Variants in PLEC observed in about 807,000 individuals in gnomAD.
The protein encoded by PLEC is plectin.
A neutral mutation model predicts 392.8 loss-of-function variants in PLEC; 216 were observed. That is an observed-to-expected ratio of 0.55 (90% CI 0.49 to 0.62). PLEC has a LOEUF of 0.62. Ranked by LOEUF, PLEC falls within the 20% of genes least tolerant of loss-of-function variation. PLEC has a pLI of 0.00. For missense variants in PLEC, 6,863 were observed against 6,563.4 expected (o/e 1.05, Z -1.58); for synonymous variants, 3,621 against 2,980.6 (o/e 1.21, Z -7.00).
At chr8:143,955,026 G>A (rs1356209202), upstream of PLEC, among the ~76,000 whole-genome samples, 7 of 152,268 alleles carry the variant, frequency 4.6e-5, no homozygotes, top group East Asian at 1.4e-3. Flanking sequence ...CAAAGGGCCA[G>A]AAGCCAGCCC....
rs782275537 is a variant in PLEC at position 143,925,643 on chromosome 8, G to A, written c.4286C>T (p.Ser1429Leu). The A allele has an allele frequency of 4.0e-5, 63 of 1,584,170 alleles. No homozygotes were observed. The highest frequency in any genetic ancestry group is 1.0e-4 in the Admixed American group (6 of 58,396). ...GGCCTTGGCCTGGATCTCCGCCTCC[G>A]AGCTCTGCCGCAGCTGCTGCAGCTC... is the stretch of plus-strand genomic sequence containing the variant. Reference protein sequence around the residue: ...QEELQQLRQSSEAEIQAKARQ... With the variant: ...QEELQQLRQSLEAEIQAKARQ... Residue 1429 changes from serine to leucine, a missense_variant, in exon 31 of 32, where the codon TCG becomes TTG. Transcript: ENST00000345136.
intron 1 of PLEC, chr8:143,946,265 T>C (rs760717741): frequency 6.0e-5 from 62 of 1,040,636 alleles, no homozygotes; most frequent in Non-Finnish European, 7.8e-5. Context: ...CACAGAACGG[T>C]GGACAACGGG....
chr8:143,926,994 C>T lies in PLEC; in HGVS notation c.3928G>A (p.Glu1310Lys). 1 of 1,613,248 alleles carries T rather than the reference C, an allele frequency of 6.2e-7. No homozygotes were observed. Among genetic ancestry groups the T allele is most frequent in the Non-Finnish European group, 8.5e-7 (1 of 1,179,966 alleles). The part of the protein sequence containing the change: ...AKKPKVQSGS[E>K]SVIQEYVDLR... ...CACCCTACCTCCTGGATGACACTCT[C>T]TGATCCCGACTGGACCTTGGGCTTC... Residue 1310 changes from glutamate to lysine, a missense_variant, in exon 29 of 32, where the codon GAG becomes AAG. Transcript: ENST00000345136.
upstream of PLEC, chr8:143,975,342 C>T (rs782738424): frequency 6.2e-7 from 1 of 1,610,730 alleles, no homozygotes. The surrounding 1 kb of genome is among the most constrained non-coding windows in gnomAD (Gnocchi z 9.9). Context: ...TCAGAGACTG[C>T]CCGGACCTCA....
chr8:143,941,195 G>C (rs1226815602), upstream of PLEC, among the ~76,000 whole-genome samples: 1 of 152,224 alleles, frequency 6.6e-6, no homozygotes, highest in East Asian at 1.9e-4. Flanking sequence ...GCCCGGCCGT[G>C]ACCAGGTGGC....
chr8:143,917,587 C>A lies in PLEC; in HGVS notation c.12234G>T (p.Glu4078Asp). 1 of 1,613,894 alleles carries A rather than the reference C, an allele frequency of 6.2e-7. No individual in the cohort carries two copies. The highest frequency in any genetic ancestry group is 8.5e-7 in the Non-Finnish European group (1 of 1,180,026). Residue 4078 changes from glutamate to aspartate, a missense_variant, in exon 32 of 32, where the codon GAG becomes GAT. Glu to Asp is a conservative substitution (Grantham distance 45, BLOSUM62 2). Transcript: ENST00000345136. ...KRGLFDEEMNEILTDPSDDTK... is the reference protein window; with the variant it reads ...KRGLFDEEMNDILTDPSDDTK... ...TGTCGTCCGAGGGGTCGGTCAGGAT[C>A]TCGTTCATCTCCTCATCGAAGAGGC...
In PLEC at chr8:143,935,187, C is replaced by T. The variant is rs782699320; in HGVS notation, c.718+11G>A. 2 of 1,611,880 alleles carry T rather than the reference C, an allele frequency of 1.2e-6. No homozygotes were observed. Among genetic ancestry groups the T allele is most frequent in the South Asian group, 1.1e-5 (1 of 91,074 alleles). On this transcript the variant is annotated intron_variant, in intron 7 of 31. Transcript: ENST00000345136. ...GGGGAAGGGACAGGGAGGAAGGCCA[C>T]GCAGACGTACCCTCAGGGTCCAGGA...
chr8:143,972,175 G>A (rs1450080762), intron 1 of PLEC, among the ~76,000 whole-genome samples: 1 of 152,202 alleles, frequency 6.6e-6, no homozygotes, highest in Non-Finnish European at 1.5e-5. Flanking sequence ...GGGCTTGCCA[G>A]GAGGGCTGGA....
chr8:143,938,388 C>A (rs1362270806), intron 2 of PLEC, 148 bp from the exon 3 acceptor site: 15 of 1,535,276 alleles, frequency 9.8e-6, no homozygotes, highest in African/African-American at 8.2e-5. Flanking sequence ...CCCTGCCCCA[C>A]GGAGGCACCT....
Position 143,973,482 on chromosome 8 carries a change from C to T in PLEC, c.-10G>A. The T allele has an allele frequency of 3.3e-6, 5 of 1,503,930 alleles. No homozygotes were observed. The highest frequency in any genetic ancestry group is 4.4e-6 in the Non-Finnish European group (5 of 1,125,374). The allele number at this position is 1,503,930 out of a possible 1,614,324, so 93.2% of individuals were successfully genotyped here. ...GCAGCGGGCCGGCCATGCCGGCGGG[C>T]GCGGGGCGCGGGGTGCAGCGGAGCC... On this transcript the variant is annotated 5_prime_UTR_variant, in exon 1 of 32. Transcript: ENST00000356346. This position sits in a 1 kb window ranked among gnomAD's most constrained non-coding sequence, Gnocchi z 5.6.
In PLEC at chr8:143,916,230, A is replaced by G; in HGVS notation, c.13591T>C (p.Tyr4531His). ...SYSSSGYGRR[Y>H]ASGSSASLGG... ...AGGGAGGCCGAGGACCCCGAGGCGTAGCGGCGGCCGTAGCCCGAGGAGGAG... is the reference window on the plus strand; with the variant it reads ...AGGGAGGCCGAGGACCCCGAGGCGTGGCGGCGGCCGTAGCCCGAGGAGGAG... The change falls in exon 32 of 32, where the codon TAC (tyrosine) becomes CAC (histidine). Residue 4531 changes from tyrosine (Y) to histidine (H), a missense_variant. Transcript: ENST00000345136. 1 of 1,546,270 alleles carries G rather than the reference A, an allele frequency of 6.5e-7. No homozygotes were observed. Among genetic ancestry groups the G allele is most frequent in the Non-Finnish European group, 8.7e-7 (1 of 1,145,556 alleles).
In PLEC at chr8:143,927,879, A is replaced by G; in HGVS notation, c.3374T>C (p.Leu1125Pro). The change falls in exon 26 of 32, where the codon CTC becomes CCC. Residue 1125 changes from leucine (L) to proline (P), a missense_variant. By Grantham distance (98) the Leu-to-Pro change is moderately conservative. Coordinates refer to ENST00000345136, the MANE Select transcript of PLEC (RefSeq NM_201384.3). ...CTTCAGAGAGGCCTTGGTGGCCTCG[A>G]GCTCCGGGAGGGTGGCCGGCACGGC... ...AQAVPATLPE[L>P]EATKASLKKL... 5 of 1,590,790 alleles carry G rather than the reference A, an allele frequency of 3.1e-6. No individual in the cohort carries two copies. The highest frequency in any genetic ancestry group is 4.3e-6 in the Non-Finnish European group (5 of 1,169,318).
chr8:143,974,797 G>A (rs1037081605), upstream of PLEC, among the ~76,000 whole-genome samples: 3 of 152,216 alleles, frequency 2.0e-5, no homozygotes, highest in East Asian at 5.8e-4. This position sits in a 1 kb window ranked among gnomAD's most constrained non-coding sequence, Gnocchi z 5.9. Flanking sequence ...AGAGGCTGGG[G>A]CTCCAGACAA....
At chr8:143,965,194 A>C (rs1176282078) in intron 1 of PLEC, among the ~76,000 whole-genome samples, 3 of 152,046 alleles carry the variant, frequency 2.0e-5, no homozygotes, top group Non-Finnish European at 4.4e-5. Context: ...CCACACAGGG[A>C]CACAAAGTGA....
At chr8:143,965,110 C>T (rs1279566626) in intron 1 of PLEC, among the ~76,000 whole-genome samples, 11 of 151,994 alleles carry the variant, frequency 7.2e-5, no homozygotes, top group African/African-American at 2.7e-4. Context: ...CAGACTCACA[C>T]CAGCCACCCT....
chr8:143,930,606 C>T, intron 19 of PLEC, 70 bp from the exon 20 acceptor site: 1 of 1,513,338 alleles, frequency 6.6e-7, no homozygotes, highest in South Asian at 1.2e-5. Flanking sequence ...CACCCCCAGA[C>T]CCCGGGACCA....
chr8:143,916,983 C>T lies in PLEC; in HGVS notation c.12838G>A (p.Val4280Met), dbSNP rs1408053127. 7 of 1,612,696 alleles carry T rather than the reference C, an allele frequency of 4.3e-6. No individual in the cohort carries two copies. The highest frequency in any genetic ancestry group is 4.5e-5 in the East Asian group (2 of 44,882). The change falls in exon 32 of 32, where the codon GTG (valine) becomes ATG (methionine). Residue 4280 changes from valine (V) to methionine (M), a missense_variant. Physicochemically the swap from Val to Met is conservative, Grantham distance 21. Coordinates refer to ENST00000345136, the MANE Select transcript of PLEC (RefSeq NM_201384.3). The part of the protein sequence containing the change: ...WSDPTEETGP[V>M]AGILDTETLE... ...GTCTCCGTGTCCAGGATGCCAGCCA[C>T]GGGGCCCGTCTCCTCAGTGGGGTCT...
At chr8:143,951,291 G>T (rs943087625), upstream of PLEC, among the ~76,000 whole-genome samples, 1 of 152,120 alleles carries the variant, frequency 6.6e-6, no homozygotes, top group African/African-American at 2.4e-5. Flanking sequence ...CTGAAGGGGG[G>T]TGCTGGGCTG....
Position 143,917,997 on chromosome 8 carries a change from C to A in PLEC, c.11824G>T (p.Ala3942Ser), listed in dbSNP as rs370908106. 4 of 1,612,208 alleles carry A rather than the reference C, an allele frequency of 2.5e-6. No individual in the cohort carries two copies. Among genetic ancestry groups the A allele is most frequent in the Non-Finnish European group, 2.5e-6 (3 of 1,179,876 alleles). ...TSCIAGVFVD[A>S]TKERLSVYQA... ...TACACCGAGAGCCGTTCCTTGGTGGCGTCCACGAAGACACCAGCGATGCAG... is the reference window on the plus strand; with the variant it reads ...TACACCGAGAGCCGTTCCTTGGTGGAGTCCACGAAGACACCAGCGATGCAG... Residue 3942 changes from alanine to serine, a missense_variant, in exon 32 of 32, where the codon GCC becomes TCC. Transcript: ENST00000345136.
Sources: gnomAD v4.1 joint callset for allele counts (sites outside exome capture counted in the v4.1 genomes callset) on GRCh38, gnomAD v4.1.1 for gene constraint, Gnocchi (gnomAD v3.1) non-coding constraint, MANE v1.5 for transcripts, NCBI Gene and HGNC (gene_info 2026-07-23, HGNC 2026-07-21) for gene names.